The following FNIP1 variants were observed in gnomAD, a reference collection of about 807,000 sequenced individuals.
The protein encoded by FNIP1 is folliculin-interacting protein 1.
A neutral mutation model predicts 124.5 loss-of-function variants in FNIP1; 40 were observed. That is an observed-to-expected ratio of 0.32 (90% confidence interval 0.25 to 0.42). The LOEUF is 0.42. Ranked by LOEUF, FNIP1 falls within the 10% of genes least tolerant of loss-of-function variation. The pLI is 1.00. For synonymous variants in FNIP1, 472 were observed against 470.6 expected (o/e 1.00, Z -0.04); for missense variants, 1,176 against 1,403.7 (o/e 0.84, Z 2.59).
Position 131,722,154 on chromosome 5 carries a change from G to T in FNIP1, c.355-2737C>A, listed in dbSNP as rs573174150. 3.9e-5 allele frequency among the ~76,000 whole-genome samples: 6 copies of T among 152,232 alleles called. No homozygotes were observed. In the East Asian group the frequency reaches 9.7e-4, roughly 24 times the overall value. ...ATTCATTTACATGCATTTGACACAG[G>T]CCTGGTCAGTAAGATGTAAATGGAA... On this transcript the variant is annotated intron_variant, in intron 3 of 17. Transcript: ENST00000510461.
chr5:131,752,760 A>G (rs1047626309), intron 1 of FNIP1, among the ~76,000 whole-genome samples: 4 of 152,188 alleles, frequency 2.6e-5, no homozygotes, highest in Non-Finnish European at 4.4e-5. Flanking sequence ...TAATCATCAG[A>G]GAAATGCAAA....
chr5:131,668,849 A>T (rs1263581590), intron 15 of FNIP1, among the ~76,000 whole-genome samples: 3 of 152,208 alleles, frequency 2.0e-5, no homozygotes, highest in African/African-American at 7.2e-5. Context: ...TTCATCTATA[A>T]AAAGCAGGAC....
intron 6 of FNIP1, among the ~76,000 whole-genome samples, chr5:131,712,963 T>C (rs1481851877): frequency 1.3e-5 from 2 of 152,228 alleles, no homozygotes; most frequent in African/African-American, 2.4e-5. Context: ...ATAGCAGTAA[T>C]TGATGCTGAT....
rs1439230347 is a variant in FNIP1 at position 131,642,262 on chromosome 5, A to G, written c.*2423T>C. The G allele has an allele frequency of 4.6e-5, 7 of 152,850 alleles. No homozygotes were observed. Among genetic ancestry groups the G allele is most frequent in the Non-Finnish European group, 1.0e-4 (7 of 68,034 alleles). The allele number at this position is 152,850 out of a possible 1,614,324, so 9.5% of individuals were successfully genotyped here. On this transcript the variant is annotated 3_prime_UTR_variant, in exon 18 of 18. Transcript: ENST00000510461. ...CTCATTCCTTGGGCTTTGCGTAAGG[A>G]AAGAATGACTATGGTGAAGGTAATA...
rs1313531231 is a variant in FNIP1, at chr5:131,644,514, A to G, written c.*171T>C. Reference sequence around the variant, plus strand: ...ACCACCCAAAAGTCCAGTCAAAAAGAAAAAGCCATCTGACATACACAGAAT... The same window carrying G: ...ACCACCCAAAAGTCCAGTCAAAAAGGAAAAGCCATCTGACATACACAGAAT... On this transcript the variant is annotated 3_prime_UTR_variant, in exon 18 of 18. Transcript: ENST00000510461. The G allele has an allele frequency of 2.3e-6, 1 of 431,630 alleles. No individual in the cohort carries two copies. The highest frequency in any genetic ancestry group is 2.1e-5 in the African/African-American group (1 of 48,718). The allele number at this position is 431,630 out of a possible 1,614,324, so 26.7% of individuals were successfully genotyped here.
intron 6 of FNIP1, among the ~76,000 whole-genome samples, chr5:131,712,710 A>G (rs1769336441): frequency 6.6e-6 from 1 of 152,230 alleles, no homozygotes; most frequent in African/African-American, 2.4e-5. Flanking sequence ...AATTTCTAAT[A>G]AAGTATTTAT....
intron 3 of FNIP1, among the ~76,000 whole-genome samples, chr5:131,729,447 G>A (rs944283062): frequency 1.3e-5 from 2 of 152,164 alleles, no homozygotes; most frequent in Non-Finnish European, 2.9e-5. Context: ...AGTGAGCTCC[G>A]CCCAGTTCTA....
At chr5:131,695,250 A>C (rs1237404238) in intron 11 of FNIP1, among the ~76,000 whole-genome samples, 1 of 152,240 alleles carries the variant, frequency 6.6e-6, no homozygotes, top group East Asian at 1.9e-4. Context: ...TGTTCAAATT[A>C]AGTCTCTTCA....
intron 1 of FNIP1, among the ~76,000 whole-genome samples, chr5:131,780,407 G>A (rs1204110456): frequency 6.6e-6 from 1 of 152,152 alleles, no homozygotes; most frequent in East Asian, 1.9e-4. Flanking sequence ...AGAAGTCTAT[G>A]TAGGCATCTT....
chr5:131,715,539 C>T (rs867184312), intron 6 of FNIP1, among the ~76,000 whole-genome samples: 3 of 152,102 alleles, frequency 2.0e-5, no homozygotes, highest in Admixed American at 6.5e-5. Context: ...TTTCAACAAG[C>T]CCCTTGAGCT....
chr5:131,778,395 A>C (rs928315265), intron 1 of FNIP1, among the ~76,000 whole-genome samples: 1 of 152,052 alleles, frequency 6.6e-6, no homozygotes, highest in Non-Finnish European at 1.5e-5. Flanking sequence ...ACATGAAAAA[A>C]TGCTCATCAT....
At chr5:131,794,059 G>A (rs940858717) in intron 1 of FNIP1, among the ~76,000 whole-genome samples, 1 of 151,454 alleles carries the variant, frequency 6.6e-6, no homozygotes, top group Non-Finnish European at 1.5e-5. Context: ...GCCAGGCATG[G>A]TGGCTCATGC....
chr5:131,769,937 A>AT (rs1469872573), intron 1 of FNIP1, among the ~76,000 whole-genome samples: 2 of 152,210 alleles, frequency 1.3e-5, no homozygotes, highest in Non-Finnish European at 2.9e-5. Context: ...CAATGTATGT[A>AT]TTTTTTAAGG....
At chr5:131,702,550 A>AT (rs1185448727) in intron 10 of FNIP1, among the ~76,000 whole-genome samples, 3 of 152,294 alleles carry the variant, frequency 2.0e-5, no homozygotes, top group Non-Finnish European at 4.4e-5. Flanking sequence ...TTTTCTTGCT[A>AT]TTCTGCTATA....
intron 2 of FNIP1, among the ~76,000 whole-genome samples, chr5:131,743,610 C>G (rs1225641075): frequency 6.6e-6 from 1 of 152,100 alleles, no homozygotes; most frequent in African/African-American, 2.4e-5. Context: ...GTCGTCCTAA[C>G]CCACCATGCG....
Position 131,665,898 on chromosome 5 carries a change from A to ATTTT in FNIP1, c.3108+4564_3108+4565insAAAA, listed in dbSNP as rs751409571. 7.8e-5 allele frequency among the ~76,000 whole-genome samples: 9 copies of ATTTT among 114,764 alleles called. 1 individual carries two copies. Among genetic ancestry groups the ATTTT allele is most frequent in the South Asian group, 2.8e-4 (1 of 3,620 alleles). The allele number at this position is 114,764 out of a possible 152,430, so 75.3% of individuals were successfully genotyped here. On this transcript the variant is annotated intron_variant, in intron 15 of 17. Transcript: ENST00000510461. ...GCCACAGCGCTTGGCCTAAAATAATACTTTTTTTTTTTTTTTTTTTTGAGA... is the reference window on the plus strand; with the variant it reads ...GCCACAGCGCTTGGCCTAAAATAATATTTTCTTTTTTTTTTTTTTTTTTTTGAGA...
At chr5:131,791,647 C>T (rs1772408378) in intron 1 of FNIP1, among the ~76,000 whole-genome samples, 1 of 152,170 alleles carries the variant, frequency 6.6e-6, no homozygotes, top group African/African-American at 2.4e-5. Context: ...TGGGGAATTT[C>T]ACATTTAAGT....
intron 2 of FNIP1, among the ~76,000 whole-genome samples, chr5:131,739,108 A>G (rs1440633054): frequency 6.6e-6 from 1 of 152,084 alleles, no homozygotes; most frequent in African/African-American, 2.4e-5. Context: ...GAGCCACTGC[A>G]CCCAGCCTAG....
intron 15 of FNIP1, among the ~76,000 whole-genome samples, chr5:131,657,736 C>CAAAAAAAAAAAAAAAAAAA (rs59097834): frequency 1.5e-5 from 1 of 65,046 alleles, no homozygotes; most frequent in African/African-American, 6.2e-5. Context: ...GAAAATAAGG[C>CAAAAAAAAAAAAAAAAAAA]AAAAAAAAAA....
Sources: gnomAD v4.1 joint callset for allele counts (sites outside exome capture counted in the v4.1 genomes callset) on GRCh38, gnomAD v4.1.1 for gene constraint, MANE v1.5 for transcripts, NCBI Gene and HGNC (gene_info 2026-07-23, HGNC 2026-07-21) for gene names.